Variants in ABLIM1 observed in about 807,000 individuals in gnomAD.
ABLIM1 encodes the protein actin-binding LIM protein 1.
ABLIM1 carries 40 observed loss-of-function variants against 107.0 expected under a neutral mutation model. The observed-to-expected ratio is 0.37, with a 90% confidence interval of 0.29 to 0.49. The LOEUF (loss-of-function observed/expected upper bound fraction) is 0.49. ABLIM1 is among the 20% of genes least tolerant of loss of function. The pLI, the probability that ABLIM1 is intolerant of heterozygous loss-of-function variation, is 0.97. For missense variants in ABLIM1, 857 were observed against 1,008.5 expected (o/e 0.85, Z 2.04); for synonymous variants, 357 against 357.3 (o/e 1.00, Z 0.01).
At chr10:114,762,852 CT>C (rs1555234230) in intron 1 of ABLIM1, among the ~76,000 whole-genome samples, 1 of 152,232 alleles carries the variant, frequency 6.6e-6, no homozygotes, top group Non-Finnish European at 1.5e-5. Context: ...GTCTCACTCA[CT>C]CTTTCCAATA....
At chr10:114,455,663 G>A (rs1031298232) in intron 12 of ABLIM1, among the ~76,000 whole-genome samples, 5 of 152,102 alleles carry the variant, frequency 3.3e-5, no homozygotes, top group Non-Finnish European at 5.9e-5. Context: ...GATTGAAGGA[G>A]GCCAATTAAT....
upstream of ABLIM1, chr10:114,768,170 C>T (rs2082952425): frequency 9.2e-6 from 2 of 217,962 alleles, no homozygotes; most frequent in Admixed American, 5.8e-5. Context: ...GCCCCGGCCC[C>T]CTCCGGCTCC....
chr10:114,518,568 T>A (rs1239481404), intron 6 of ABLIM1, among the ~76,000 whole-genome samples: 1 of 151,992 alleles, frequency 6.6e-6, no homozygotes, highest in Non-Finnish European at 1.5e-5. Context: ...ATACCAAGAT[T>A]GGCAGCCCAT....
the ABLIM1 span, among the ~76,000 whole-genome samples, chr10:114,799,011 G>C: frequency 5.3e-5 from 8 of 151,982 alleles, no homozygotes; most frequent in Non-Finnish European, 1.2e-4. Context: ...TATTGGCCAG[G>C]ATGGTCTCAA....
At chr10:114,767,797 AC>A (rs1429812337) in intron 1 of ABLIM1, among the ~76,000 whole-genome samples, 1 of 151,830 alleles carries the variant, frequency 6.6e-6, no homozygotes, top group Non-Finnish European at 1.5e-5. Flanking sequence ...CCCATCCCCC[AC>A]GCCTCCCAGC....
intron 7 of ABLIM1, among the ~76,000 whole-genome samples, chr10:114,491,023 T>TATATATATATATATATATATATA: frequency 7.0e-6 from 1 of 143,460 alleles, no homozygotes; most frequent in Non-Finnish European, 1.5e-5. Flanking sequence ...TATATATATA[T>TATATATATATATATATATATATA]ATGGTCTATT....
At chr10:114,791,059 C>G in the ABLIM1 span, among the ~76,000 whole-genome samples, 1 of 152,078 alleles carries the variant, frequency 6.6e-6, no homozygotes, top group Non-Finnish European at 1.5e-5. Context: ...TCATGATCTG[C>G]TTTAATTTTA....
intron 1 of ABLIM1, among the ~76,000 whole-genome samples, chr10:114,764,315 T>G (rs927045175): frequency 1.3e-5 from 2 of 152,224 alleles, no homozygotes; most frequent in Non-Finnish European, 2.9e-5. Flanking sequence ...ATTTTAATAC[T>G]TTTCTCTTAA....
rs555999578 is a variant in ABLIM1 at position 114,651,953 on chromosome 10, T to C, written c.244+6004A>G. Among the ~76,000 whole-genome samples, 227 of 152,322 alleles carry C rather than the reference T, an allele frequency of 1.5e-3. 1 individual carries two copies. The highest frequency in any genetic ancestry group is 2.2e-3 in the Non-Finnish European group (148 of 68,032). ...CTTGCCAGCAGCAGATGCCGGTCAC[T>C]ACTTTGCCTCTCAAAGTAGCCTAGT... On this transcript the variant is annotated intron_variant, in intron 1 of 22. Transcript: ENST00000533213.
chr10:114,653,068 A>G (rs2079326937), intron 1 of ABLIM1, among the ~76,000 whole-genome samples: 1 of 152,218 alleles, frequency 6.6e-6, no homozygotes, highest in Non-Finnish European at 1.5e-5. Flanking sequence ...GCAGAGTGAC[A>G]TCATGGTTGA....
chr10:114,717,827 C>T (rs977961261), intron 1 of ABLIM1, among the ~76,000 whole-genome samples: 2 of 149,786 alleles, frequency 1.3e-5, no homozygotes, highest in Admixed American at 6.7e-5. Context: ...GCAGGAGGAT[C>T]GCTTAAGCCT....
intron 1 of ABLIM1, among the ~76,000 whole-genome samples, chr10:114,705,165 A>G (rs1225152614): frequency 6.6e-6 from 1 of 152,208 alleles, no homozygotes; most frequent in Non-Finnish European, 1.5e-5. Flanking sequence ...TATCTTAGAT[A>G]TTAGGATATT....
chr10:114,527,682 T>TTTTGTC (rs2064983314), intron 6 of ABLIM1, among the ~76,000 whole-genome samples: 1 of 142,506 alleles, frequency 7.0e-6, no homozygotes, highest in Non-Finnish European at 1.5e-5. Context: ...TTTTTTGAGA[T>TTTTGTC]GGGATCTCTG....
chr10:114,710,830 G>A (rs1376484350), intron 1 of ABLIM1, among the ~76,000 whole-genome samples: 2 of 152,146 alleles, frequency 1.3e-5, no homozygotes, highest in African/African-American at 2.4e-5. Flanking sequence ...CACATATTTT[G>A]GCTTTCCAGA....
At chr10:114,461,395 T>G (rs1436908252) in intron 12 of ABLIM1, among the ~76,000 whole-genome samples, 3 of 32,750 alleles carry the variant, frequency 9.2e-5, no homozygotes, top group Non-Finnish European at 1.6e-4. Context: ...ACTGAAGGGT[T>G]TTTTTTTTTT....
chr10:114,793,363 C>T, the ABLIM1 span, among the ~76,000 whole-genome samples: 5 of 151,904 alleles, frequency 3.3e-5, no homozygotes, highest in Admixed American at 6.6e-5. Flanking sequence ...GGCCATGTGA[C>T]GTGCCTGCTC....
At chr10:114,570,596 G>GTTTTTTTTTTTTTTTTTTTTTTT (rs57963013) in intron 4 of ABLIM1, among the ~76,000 whole-genome samples, 1 of 68,016 alleles carries the variant, frequency 1.5e-5, no homozygotes, top group Non-Finnish European at 2.6e-5. Context: ...ATTTTTCTGG[G>GTTTTTTTTTTTTTTTTTTTTTTT]TTTTTTTTTT....
intron 1 of ABLIM1, among the ~76,000 whole-genome samples, chr10:114,726,874 C>T (rs1265005417): frequency 1.3e-5 from 2 of 152,162 alleles, no homozygotes; most frequent in African/African-American, 2.4e-5. Flanking sequence ...TCCCACCAGG[C>T]CCCACCTCCA....
intron 12 of ABLIM1, among the ~76,000 whole-genome samples, chr10:114,462,213 T>A (rs1418806823): frequency 1.3e-5 from 2 of 152,230 alleles, no homozygotes; most frequent in Non-Finnish European, 2.9e-5. Flanking sequence ...CCTTTAGGAC[T>A]GTTTTAAGAC....
Sources: allele counts gnomAD v4.1 joint callset (sites outside exome capture counted in the v4.1 genomes callset), GRCh38; gene constraint gnomAD v4.1.1; transcripts MANE v1.5; gene names NCBI Gene and HGNC (gene_info 2026-07-23, HGNC 2026-07-21).